FMN2: variants seen among roughly 807,000 people sequenced by gnomAD.
The protein encoded by FMN2 is formin-2.
In FMN2, 51 loss-of-function variants were observed where a neutral mutation model predicts 142.3. That is an observed-to-expected ratio of 0.36 (90% CI 0.29 to 0.45). The LOEUF is 0.45. Ranked by LOEUF, FMN2 falls within the 20% of genes least tolerant of loss-of-function variation. FMN2 has a pLI of 1.00. For missense variants in FMN2, 1,936 were observed against 2,122.8 expected, an observed-to-expected ratio of 0.91 and a Z score of 1.73; for synonymous variants, 882 against 869.8, an observed-to-expected ratio of 1.01 and a Z score of -0.25.
At chr1:240,115,811 G>C (rs914107111) in intron 1 of FMN2, among the ~76,000 whole-genome samples, 6 of 152,120 alleles carry the variant, frequency 3.9e-5, no homozygotes, top group East Asian at 1.9e-4. Context: ...AGAATAAAAG[G>C]GTGGCTACCC....
rs574666237 is a variant in FMN2 at position 240,273,663 on chromosome 1, G to A, written c.4153+15631G>A. 4.1e-3 allele frequency among the ~76,000 whole-genome samples: 599 copies of A among 147,162 alleles called. 6 individuals carry two copies. Among genetic ancestry groups the A allele is most frequent in the African/African-American group, 0.014 (566 of 39,568 alleles). On this transcript the variant is annotated intron_variant, in intron 7 of 17. Coordinates refer to ENST00000319653, the MANE Select transcript of FMN2 (RefSeq NM_020066.5). ...GGAGTGGCATGAGGGGAAAGGCAGAGGGGGCAGAGACACACACACAGGGAG... is the reference window on the plus strand; with the variant it reads ...GGAGTGGCATGAGGGGAAAGGCAGAAGGGGCAGAGACACACACACAGGGAG...
At chr1:240,135,899 G>A (rs931222895) in intron 2 of FMN2, among the ~76,000 whole-genome samples, 1 of 151,478 alleles carries the variant, frequency 6.6e-6, no homozygotes, top group Non-Finnish European at 1.5e-5. Context: ...AGAGGGCCTT[G>A]AACTCCTGAC....
intron 2 of FMN2, chr1:240,144,803 A>T: frequency 7.0e-7 from 1 of 1,435,006 alleles, no homozygotes; most frequent in Non-Finnish European, 9.8e-7. Context: ...GTAGGGGACG[A>T]TTTCCTTCAC....
intron 15 of FMN2, among the ~76,000 whole-genome samples, chr1:240,406,764 A>T (rs1300198169): frequency 6.6e-6 from 1 of 152,156 alleles, no homozygotes; most frequent in African/African-American, 2.4e-5. Flanking sequence ...CTCATGAAGG[A>T]TACCAGCTCC....
chr1:240,135,052 T>G (rs1383096055), intron 2 of FMN2, among the ~76,000 whole-genome samples: 3 of 152,186 alleles, frequency 2.0e-5, no homozygotes, highest in Non-Finnish European at 4.4e-5. Context: ...TGCGTTGTGC[T>G]TATTTAGCTC....
In FMN2 at chr1:240,345,845, T is replaced by C. The variant is rs189206081; in HGVS notation, c.4766-9971T>C. On this transcript the variant is annotated intron_variant, in intron 13 of 17. Transcript: ENST00000319653. ...TGACCCAGCACTTGGCCCCTAGATA[T>C]ATACTCCAGTGCACAGGTGACCAGG... Among the ~76,000 whole-genome samples the C allele has an allele frequency of 9.9e-5, 15 of 152,224 alleles. No individual in the cohort carries two copies. The East Asian group carries it at 2.9e-3, about 29-fold the overall frequency.
At chr1:240,469,290 G>A (rs1172224202) in intron 16 of FMN2, among the ~76,000 whole-genome samples, 1 of 152,112 alleles carries the variant, frequency 6.6e-6, no homozygotes, top group Non-Finnish European at 1.5e-5. Context: ...GGCCTAGAGA[G>A]CTGCATTTTA....
chr1:240,187,856 C>T (rs1055593905), intron 3 of FMN2, among the ~76,000 whole-genome samples: 2 of 152,190 alleles, frequency 1.3e-5, no homozygotes, highest in African/African-American at 4.8e-5. Flanking sequence ...TGGCTTCTAT[C>T]GTGATACAGA....
At chr1:240,295,215 C>A (rs948771493) in intron 8 of FMN2, among the ~76,000 whole-genome samples, 7 of 141,388 alleles carry the variant, frequency 5.0e-5, no homozygotes, top group South Asian at 2.1e-4. Flanking sequence ...CACACACACA[C>A]ACACACACAC....
At chr1:240,198,395 A>G (rs1665998478) in intron 4 of FMN2, among the ~76,000 whole-genome samples, 1 of 152,228 alleles carries the variant, frequency 6.6e-6, no homozygotes. Flanking sequence ...ACAGCCAAGT[A>G]TGATTTCTAA....
chr1:240,431,686 G>A (rs912825097), intron 15 of FMN2, among the ~76,000 whole-genome samples: 1 of 151,202 alleles, frequency 6.6e-6, no homozygotes, highest in Non-Finnish European at 1.5e-5. Context: ...TAATAAACTG[G>A]TGTTGATTTT....
chr1:240,148,127 G>A (rs1306686203), intron 2 of FMN2, among the ~76,000 whole-genome samples: 1 of 152,184 alleles, frequency 6.6e-6, no homozygotes, highest in African/African-American at 2.4e-5. Flanking sequence ...TTAACTTCTT[G>A]TGTGTAACTG....
chr1:240,092,317 T>C lies in FMN2; in HGVS notation c.208T>C (p.Ser70Pro). 2.5e-6 allele frequency: 4 copies of C among 1,603,180 alleles called. No individual in the cohort carries two copies. Among genetic ancestry groups the C allele is most frequent in the Non-Finnish European group, 3.4e-6 (4 of 1,173,334 alleles). Reference sequence around the variant, plus strand: ...GGGCAAGAAGAAGAGCAAGTCCGACTCCAGAGCCTCGGTGTTTTCCAACCT... The same window carrying C: ...GGGCAAGAAGAAGAGCAAGTCCGACCCCAGAGCCTCGGTGTTTTCCAACCT... ...ESGKKKSKSD[S>P]RASVFSNLRI... The change falls in exon 1 of 18, where the codon TCC becomes CCC. Residue 70 changes from serine to proline, a missense_variant. Around this residue, in one of 8 missense-constraint regions of FMN2, gnomAD observed 751 missense variants for 791.8 expected, o/e 0.95. Coordinates refer to ENST00000319653, the MANE Select transcript of FMN2 (RefSeq NM_020066.5).
intron 4 of FMN2, among the ~76,000 whole-genome samples, chr1:240,199,108 A>AAAC (rs749965299): frequency 2.0e-4 from 17 of 86,402 alleles, no homozygotes; most frequent in Non-Finnish European, 3.2e-4. Flanking sequence ...CCGTCTCAAA[A>AAAC]AACAAACAAA....
At chr1:240,455,975 A>AAATAATAAT (rs140323437) in intron 16 of FMN2, among the ~76,000 whole-genome samples, 1 of 148,984 alleles carries the variant, frequency 6.7e-6, no homozygotes, top group African/African-American at 2.5e-5. Context: ...ACTGTCTCAA[A>AAATAATAAT]AATAATAATA....
chr1:240,416,284 G>C lies in FMN2; in HGVS notation c.4911-21777G>C, dbSNP rs576387962. 1.0e-4 allele frequency among the ~76,000 whole-genome samples: 13 copies of C among 125,360 alleles called. No individual in the cohort carries two copies. In the South Asian group the frequency reaches 2.0e-3, roughly 19 times the overall value. 82.2% of individuals were successfully genotyped at this position (125,360 alleles called of 152,430 possible). ...ACTCTTTTTTTTTTTTTTTTGAGAC[G>C]GAGTCTTGCTCTGTCACCCAGACTG... On this transcript the variant is annotated intron_variant, in intron 15 of 17. Transcript: ENST00000319653.
intron 14 of FMN2, among the ~76,000 whole-genome samples, chr1:240,375,029 T>C (rs1014810499): frequency 6.6e-6 from 1 of 152,204 alleles, no homozygotes. Flanking sequence ...ATTGGCCTAA[T>C]TTCGACACTG....
In FMN2 at chr1:240,230,423, C is replaced by T. The variant is rs945352568; in HGVS notation, c.4065+19188C>T. Reference sequence around the variant, plus strand: ...TTAAAATGAGAGCAGGAAGAGCTGACGTCCCCTAAAGCTTTGATGCCACCT... The same window carrying T: ...TTAAAATGAGAGCAGGAAGAGCTGATGTCCCCTAAAGCTTTGATGCCACCT... On this transcript the variant is annotated intron_variant, in intron 6 of 17. Transcript: ENST00000319653. 1.6e-4 allele frequency among the ~76,000 whole-genome samples: 21 copies of T among 131,684 alleles called. 7 individuals are homozygous for T. The highest frequency in any genetic ancestry group is 6.2e-4 in the African/African-American group (19 of 30,858). The allele number at this position is 131,684 out of a possible 152,430, so 86.4% of individuals were successfully genotyped here.
At chr1:240,386,485 TC>T (rs1673409945) in intron 14 of FMN2, among the ~76,000 whole-genome samples, 1 of 152,198 alleles carries the variant, frequency 6.6e-6, no homozygotes, top group South Asian at 2.1e-4. Flanking sequence ...TATGTGGTAT[TC>T]CCTCATGAAA....
Sources: gnomAD v4.1 joint callset for allele counts (sites outside exome capture counted in the v4.1 genomes callset) on GRCh38, gnomAD v4.1.1 for gene constraint, gnomAD v4.1.1 regional missense constraint, MANE v1.5 for transcripts, NCBI Gene and HGNC (gene_info 2026-07-23, HGNC 2026-07-21) for gene names.